MROH1: variants seen among roughly 807,000 people sequenced by gnomAD.
The protein encoded by MROH1 is maestro heat like repeat family member 1.
MROH1 carries 117 observed loss-of-function variants against 116.5 expected under a neutral mutation model. The observed-to-expected ratio is 1.00, with a 90% CI of 0.86 to 1.17. MROH1 has a LOEUF of 1.17. MROH1 is among the 50% of genes most tolerant of loss of function. MROH1 has a pLI of 0.00. For missense variants in MROH1, 1,873 were observed against 1,338.5 expected, an observed-to-expected ratio of 1.40 and a Z score of -6.23; for synonymous variants, 921 against 583.9, an observed-to-expected ratio of 1.58 and a Z score of -8.32.
At chr8:144,232,642 C>T (rs921170140) in intron 14 of MROH1, among the ~76,000 whole-genome samples, 1 of 151,890 alleles carries the variant, frequency 6.6e-6, no homozygotes, top group African/African-American at 2.4e-5. Flanking sequence ...TACATGCGCA[C>T]ACCGCCACGC....
At chr8:144,248,474 C>A (rs1171701744) in intron 31 of MROH1, among the ~76,000 whole-genome samples, 1 of 152,280 alleles carries the variant, frequency 6.6e-6, no homozygotes, top group Admixed American at 6.5e-5. Context: ...TCACCAGGGC[C>A]TTTTCTGGTG....
chr8:144,244,080 C>T (rs970872522), intron 26 of MROH1, 138 bp downstream of exon 26: 36 of 702,394 alleles, frequency 5.1e-5, no homozygotes, highest in Non-Finnish European at 8.4e-5. Context: ...CTTGTGTGTG[C>T]GCATGCTGCA....
intron 3 of MROH1, among the ~76,000 whole-genome samples, chr8:144,165,212 G>C (rs993049751): frequency 1.3e-5 from 2 of 151,544 alleles, no homozygotes; most frequent in Admixed American, 1.3e-4. Flanking sequence ...CCACCTCCTG[G>C]ATTCAAGTGA....
intron 33 of MROH1, chr8:144,250,746 C>T (rs1842717345): frequency 7.9e-6 from 3 of 379,536 alleles, no homozygotes; most frequent in Non-Finnish European, 1.5e-5. Flanking sequence ...CAAGCCTTGT[C>T]CTCTGCAGGG....
Position 144,180,103 on chromosome 8 carries a change from C to T in MROH1, c.301-75C>T. On this transcript the variant is annotated intron_variant, in intron 5 of 43. Transcript: ENST00000326134. The surrounding 1 kb of genome is among the most constrained non-coding windows in gnomAD (Gnocchi z 7.4). ...GACGCTGAAAACAGCGTGCGCTTGT[C>T]CAAGGCTGGCAGCGACTGAGGGCAG... 1 of 1,574,244 alleles carries T rather than the reference C, an allele frequency of 6.4e-7. No homozygotes were observed.
At chr8:144,171,903 C>T (rs144067483) in intron 4 of MROH1, among the ~76,000 whole-genome samples, 23 of 152,312 alleles carry the variant, frequency 1.5e-4, no homozygotes, top group African/African-American at 5.3e-4. Context: ...AAACTACCTT[C>T]CAGGCTACGA....
chr8:144,257,207 C>T (rs995013471), intron 35 of MROH1, among the ~76,000 whole-genome samples: 2 of 152,240 alleles, frequency 1.3e-5, no homozygotes, highest in Non-Finnish European at 2.9e-5. Flanking sequence ...AGATCAGGCC[C>T]CAACACTGGA....
chr8:144,255,264 G>A (rs1185650233), intron 34 of MROH1, among the ~76,000 whole-genome samples: 12 of 152,252 alleles, frequency 7.9e-5, no homozygotes, highest in Admixed American at 7.8e-4. Context: ...TTTCTGAGGA[G>A]CTGAGAACAG....
rs1841512660 is a variant in MROH1, at chr8:144,244,309, C to T, written c.2643C>T (p.Pro881=). 1 of 719,916 alleles carries T rather than the reference C, an allele frequency of 1.4e-6. No homozygotes were observed. The highest frequency in any genetic ancestry group is 1.7e-5 in the African/African-American group (1 of 57,310). 44.6% of individuals were successfully genotyped at this position (719,916 alleles called of 1,614,324 possible). A position where few individuals can be genotyped will look rare whatever the true frequency, so the allele number is the denominator to read the frequency against. ...LHSIMALLPE[P]KEEDGGCQKS... is the part of the protein sequence containing the mutation. Reference sequence around the variant, plus strand: ...GCATCATGGCCCTGCTGCCTGAGCCCAAGGAGGAGGACGGAGGCTGCCAGA... The same window carrying T: ...GCATCATGGCCCTGCTGCCTGAGCCTAAGGAGGAGGACGGAGGCTGCCAGA... Residue 881 remains proline, a synonymous_variant, in exon 27 of 44, where the codon CCC becomes CCT. Transcript: ENST00000326134.
intron 1 of MROH1, among the ~76,000 whole-genome samples, chr8:144,159,955 G>C (rs1000596939): frequency 2.1e-4 from 32 of 152,062 alleles, no homozygotes; most frequent in African/African-American, 7.7e-4. Flanking sequence ...TTTTTTAGTA[G>C]AGACAGGGTT....
intron 34 of MROH1, among the ~76,000 whole-genome samples, 183 bp from the exon 35 acceptor site, chr8:144,255,326 C>T (rs1843531827): frequency 6.6e-6 from 1 of 152,232 alleles, no homozygotes; most frequent in Non-Finnish European, 1.5e-5. Context: ...TCCCTGTCTC[C>T]TGCCTCTACC....
At chr8:144,234,668 C>T (rs1160206766) in intron 14 of MROH1, among the ~76,000 whole-genome samples, 2 of 149,336 alleles carry the variant, frequency 1.3e-5, no homozygotes, top group African/African-American at 2.4e-5. Flanking sequence ...AGGCGCCCAC[C>T]ACCATGTCTG....
At chr8:144,203,615 C>T (rs1832183573) in intron 12 of MROH1, among the ~76,000 whole-genome samples, 1 of 152,104 alleles carries the variant, frequency 6.6e-6, no homozygotes, top group Non-Finnish European at 1.5e-5. Context: ...GCGCCTGCAG[C>T]TTCCACACAG....
At chr8:144,198,005 C>T (rs1434773961) in intron 10 of MROH1, among the ~76,000 whole-genome samples, 47 of 146,922 alleles carry the variant, frequency 3.2e-4, no homozygotes, top group African/African-American at 9.3e-4. Context: ...GCCAAGGTCA[C>T]GCCATTGCAC....
chr8:144,257,227 C>T (rs1215024427), intron 35 of MROH1, among the ~76,000 whole-genome samples: 2 of 152,232 alleles, frequency 1.3e-5, no homozygotes, highest in African/African-American at 4.8e-5. Context: ...AACCATGGGA[C>T]TCCAGGCTTT....
intron 14 of MROH1, among the ~76,000 whole-genome samples, chr8:144,232,706 G>A (rs1444415698): frequency 1.3e-5 from 2 of 148,586 alleles, no homozygotes; most frequent in South Asian, 2.1e-4. Flanking sequence ...TGTTAGCTAG[G>A]ATGGTCTCGA....
At chr8:144,198,460 C>T (rs1290406053) in intron 10 of MROH1, among the ~76,000 whole-genome samples, 1 of 152,180 alleles carries the variant, frequency 6.6e-6, no homozygotes, top group East Asian at 1.9e-4. Flanking sequence ...GCTCTGTACT[C>T]AGGCTGGAGT....
At chr8:144,213,472 G>A (rs1407231361) in intron 12 of MROH1, 1 of 183,126 alleles carries the variant, frequency 5.5e-6, no homozygotes, top group East Asian at 1.4e-4. Flanking sequence ...CGAATATTGT[G>A]TGGGACATTT....
At chr8:144,226,162 G>T (rs749388333) in intron 14 of MROH1, among the ~76,000 whole-genome samples, 2 of 151,870 alleles carry the variant, frequency 1.3e-5, no homozygotes, top group Admixed American at 1.3e-4. Context: ...TGATCCTCCC[G>T]CCTCGGCCTC....
Sources: allele counts gnomAD v4.1 joint callset (sites outside exome capture counted in the v4.1 genomes callset), GRCh38; gene constraint gnomAD v4.1.1; non-coding constraint Gnocchi (gnomAD v3.1); transcripts MANE v1.5; gene names NCBI Gene and HGNC (gene_info 2026-07-23, HGNC 2026-07-21).